The following SMAD5 variants were observed in gnomAD, a reference collection of about 807,000 sequenced individuals.
SMAD5 encodes MAD, mothers against decapentaplegic homolog 5.
SMAD5 carries 9 observed loss-of-function variants against 43.1 expected under a neutral mutation model. That is an observed-to-expected ratio of 0.21 (90% CI 0.13 to 0.36). The LOEUF (loss-of-function observed/expected upper bound fraction) is 0.36, where lower values mean the gene tolerates loss of function less well. Ranked by LOEUF, SMAD5 falls within the 10% of genes least tolerant of loss-of-function variation. The pLI, the probability that SMAD5 is intolerant of heterozygous loss-of-function variation, is 1.00. For missense variants in SMAD5, 348 were observed against 574.0 expected, an observed-to-expected ratio of 0.61 and a Z score of 4.02; for synonymous variants, 190 against 192.4, an observed-to-expected ratio of 0.99 and a Z score of 0.10.
rs983537340 is a variant in SMAD5, at chr5:136,181,097, A to G, written c.*3617A>G. ...TATCAAAGTGCTGTACTTCTGTGAT[A>G]GAGAACATCTGATGTACCAATTTAG... On this transcript the variant is annotated 3_prime_UTR_variant, in exon 8 of 8. Transcript: ENST00000545279. 3.9e-5 allele frequency: 6 copies of G among 152,174 alleles called. No individual in the cohort carries two copies. Among genetic ancestry groups the G allele is most frequent in the African/African-American group, 1.4e-4 (6 of 41,454 alleles). The allele number at this position is 152,174 out of a possible 1,614,324, so 9.4% of individuals were successfully genotyped here.
intron 5 of SMAD5, among the ~76,000 whole-genome samples, chr5:136,168,096 C>T (rs568564670): frequency 3.9e-5 from 6 of 152,252 alleles, no homozygotes; most frequent in South Asian, 4.1e-4. Flanking sequence ...CCACCTTGGC[C>T]TCCCAAAGTG....
intron 2 of SMAD5, among the ~76,000 whole-genome samples, chr5:136,148,642 C>T (rs752292390): frequency 1.3e-5 from 2 of 151,790 alleles, no homozygotes; most frequent in Non-Finnish European, 2.9e-5. Flanking sequence ...AGCAGAGTCT[C>T]TAACCCAGGA....
chr5:136,135,981 A>C (rs1752860906), intron 1 of SMAD5, among the ~76,000 whole-genome samples: 1 of 152,224 alleles, frequency 6.6e-6, no homozygotes, highest in African/African-American at 2.4e-5. Context: ...ACATTGAGTA[A>C]GATTCCCTTT....
At position 136,177,614 on chromosome 5, in the gene SMAD5, T is replaced by A. The variant is rs1020307553; in HGVS notation, c.*134T>A. 6.3e-6 allele frequency: 4 copies of A among 638,702 alleles called. No homozygotes were observed. In the African/African-American group the frequency reaches 7.4e-5, roughly 12 times the overall value. The allele number at this position is 638,702 out of a possible 1,614,324, so 39.6% of individuals were successfully genotyped here. The stretch of plus-strand genomic sequence containing the variant: ...TTTTTTTCTACATAATTGTGACCAA[T>A]ACATTTGTATTTTGTGATGAATCTA... On this transcript the variant is annotated 3_prime_UTR_variant, in exon 8 of 8. Transcript: ENST00000545279.
chr5:136,167,418 C>T (rs1754059332), intron 5 of SMAD5, among the ~76,000 whole-genome samples: 1 of 151,976 alleles, frequency 6.6e-6, no homozygotes, highest in African/African-American at 2.4e-5. Context: ...TCCTCTCTTT[C>T]TTCTCATCTG....
chr5:136,174,762 T>C (rs1354503628), intron 7 of SMAD5, 130 bp downstream of exon 7: 2 of 628,064 alleles, frequency 3.2e-6, no homozygotes, highest in Non-Finnish European at 5.5e-6. Flanking sequence ...GGTTTTTAAA[T>C]AAAATTATTG....
At position 136,177,685 on chromosome 5, in the gene SMAD5, G is replaced by C. The variant is rs978841247; in HGVS notation, c.*205G>C. On this transcript the variant is annotated 3_prime_UTR_variant, in exon 8 of 8. Coordinates refer to ENST00000545279, the MANE Select transcript of SMAD5 (RefSeq NM_005903.7). ...CATGTGATTAACTCTTAGAAGTGTT[G>C]TAAAAGATGCAGAGTAAGTATTATG... 6.4e-6 allele frequency: 3 copies of C among 465,702 alleles called. No homozygotes were observed. Among genetic ancestry groups the C allele is most frequent in the Non-Finnish European group, 1.1e-5 (3 of 267,052 alleles). The allele number at this position is 465,702 out of a possible 1,614,324, so 28.8% of individuals were successfully genotyped here.
At chr5:136,163,585 C>T (rs1282543792) in intron 5 of SMAD5, among the ~76,000 whole-genome samples, 194 bp downstream of exon 5, 1 of 152,166 alleles carries the variant, frequency 6.6e-6, no homozygotes, top group Non-Finnish European at 1.5e-5. Context: ...ATTTCCCTAA[C>T]TCTTTAAAAA....
chr5:136,163,597 G>T (rs1010638706), intron 5 of SMAD5, among the ~76,000 whole-genome samples: 1 of 151,956 alleles, frequency 6.6e-6, no homozygotes, highest in African/African-American at 2.4e-5. Context: ...CTTTAAAAAG[G>T]TTTCTCTGCG....
intron 7 of SMAD5, among the ~76,000 whole-genome samples, 197 bp from the exon 8 acceptor site, chr5:136,177,140 A>G (rs1754447916): frequency 6.6e-6 from 1 of 152,212 alleles, no homozygotes; most frequent in South Asian, 2.1e-4. Context: ...TTTAGAATTC[A>G]TGAATCTTTA....
rs1160400492 is a variant in SMAD5 at position 136,182,490 on chromosome 5, T to G, written c.*5010T>G. ...CACATTTTCTTAAAAAGATATTTCA[T>G]ATACAGATAATGAAGACCAAGCTAG... On this transcript the variant is annotated 3_prime_UTR_variant, in exon 8 of 8. Coordinates refer to ENST00000545279, the MANE Select transcript of SMAD5 (RefSeq NM_005903.7). 1.3e-5 allele frequency: 2 copies of G among 152,650 alleles called. No homozygotes were observed. Among genetic ancestry groups the G allele is most frequent in the African/African-American group, 4.8e-5 (2 of 41,454 alleles). 9.5% of individuals were successfully genotyped at this position (152,650 alleles called of 1,614,324 possible).
chr5:136,152,662 A>G (rs930259522), intron 2 of SMAD5: 3 of 152,094 alleles, frequency 2.0e-5, no homozygotes, highest in Non-Finnish European at 4.4e-5. Context: ...CATTCTTTTT[A>G]TTCTTTATTT....
chr5:136,144,232 T>C (rs1753186619), intron 1 of SMAD5, among the ~76,000 whole-genome samples: 1 of 152,092 alleles, frequency 6.6e-6, no homozygotes, highest in South Asian at 2.1e-4. Flanking sequence ...AGAAATTCCC[T>C]GAAAGGTTTC....
At chr5:136,162,626 A>T (rs988994062) in intron 4 of SMAD5, among the ~76,000 whole-genome samples, 1 of 152,224 alleles carries the variant, frequency 6.6e-6, no homozygotes, top group African/African-American at 2.4e-5. Context: ...CTTATTTATA[A>T]TTACTGAGAC....
At chr5:136,144,942 A>G (rs1005636994) in intron 1 of SMAD5, among the ~76,000 whole-genome samples, 1 of 151,970 alleles carries the variant, frequency 6.6e-6, no homozygotes, top group Non-Finnish European at 1.5e-5. Context: ...ACACTGAGGA[A>G]TATAGGAGAA....
intron 5 of SMAD5, among the ~76,000 whole-genome samples, chr5:136,164,853 T>TTA (rs1753943868): frequency 6.6e-6 from 1 of 152,208 alleles, no homozygotes; most frequent in African/African-American, 2.4e-5. Flanking sequence ...GTTTTAGCTC[T>TTA]TATATTAGGT....
At chr5:136,139,000 T>C (rs1173684355) in intron 1 of SMAD5, among the ~76,000 whole-genome samples, 2 of 152,168 alleles carry the variant, frequency 1.3e-5, no homozygotes, top group African/African-American at 4.8e-5. Context: ...TGGCCAATAG[T>C]GTTGAGGAAA....
chr5:136,165,981 T>C (rs1753997010), intron 5 of SMAD5, among the ~76,000 whole-genome samples: 1 of 151,968 alleles, frequency 6.6e-6, no homozygotes, highest in Non-Finnish European at 1.5e-5. Context: ...ATATTTATAC[T>C]TTTTTGAGGA....
chr5:136,145,678 C>T, intron 1 of SMAD5, among the ~76,000 whole-genome samples: 1 of 151,912 alleles, frequency 6.6e-6, no homozygotes. Flanking sequence ...ACAATAATAA[C>T]TACAGTTGCC....
Sources: gnomAD v4.1 joint callset for allele counts (sites outside exome capture counted in the v4.1 genomes callset) on GRCh38, gnomAD v4.1.1 for gene constraint, MANE v1.5 for transcripts, NCBI Gene and HGNC (gene_info 2026-07-23, HGNC 2026-07-21) for gene names.